CLIC5: variants seen among roughly 807,000 people sequenced by gnomAD.
The protein encoded by CLIC5 is CLIC family member 5.
Under a neutral mutation model 24.7 loss-of-function variants are expected in CLIC5, and 20 were observed. The ratio of observed to expected loss-of-function variants is 0.81; its 90% CI spans 0.57 to 1.18. The LOEUF is 1.18. CLIC5 is among the 50% of genes most tolerant of loss of function. The pLI, the probability that CLIC5 is intolerant of heterozygous loss-of-function variation, is 0.00. For synonymous variants in CLIC5, 159 were observed against 135.6 expected, an observed-to-expected ratio of 1.17 and a Z score of -1.20; for missense variants, 341 against 326.1, an observed-to-expected ratio of 1.05 and a Z score of -0.35.
intron 4 of CLIC5, among the ~76,000 whole-genome samples, chr6:45,939,253 G>A (rs7756325): frequency 0.017 from 2,270 of 132,068 alleles, 82 homozygotes; most frequent in African/African-American, 0.064. Context: ...TTGGAGTGTC[G>A]CTCTGTTGCC....
intron 4 of CLIC5, among the ~76,000 whole-genome samples, chr6:45,925,971 C>T (rs1390086854): frequency 6.6e-6 from 1 of 151,998 alleles, no homozygotes; most frequent in East Asian, 1.9e-4. Flanking sequence ...AGTTTCAGAC[C>T]TGGGCAAAAT....
At chr6:45,885,429 T>G (rs1256235788) in intron 6 of CLIC5, among the ~76,000 whole-genome samples, 1 of 152,188 alleles carries the variant, frequency 6.6e-6, no homozygotes, top group Non-Finnish European at 1.5e-5. Context: ...CAGCCCATAC[T>G]AAATACCTCC....
intron 1 of CLIC5, among the ~76,000 whole-genome samples, chr6:46,073,484 G>A (rs1438036870): frequency 1.3e-5 from 2 of 152,150 alleles, no homozygotes; most frequent in Non-Finnish European, 2.9e-5. Context: ...AATGATATAT[G>A]ATATATTTAT....
intron 4 of CLIC5, among the ~76,000 whole-genome samples, chr6:45,935,776 C>G (rs1393377140): frequency 2.0e-5 from 3 of 152,156 alleles, no homozygotes. Context: ...AGACTGAGCT[C>G]TCTCTGGTTG....
At chr6:45,995,835 C>T (rs1766115250) in intron 1 of CLIC5, among the ~76,000 whole-genome samples, 2 of 152,036 alleles carry the variant, frequency 1.3e-5, no homozygotes, top group Admixed American at 6.6e-5. Flanking sequence ...AGCTCAAAGC[C>T]ATTATCCTCA....
chr6:45,963,923 G>A (rs1764934899), intron 1 of CLIC5, among the ~76,000 whole-genome samples: 1 of 151,908 alleles, frequency 6.6e-6, no homozygotes. Context: ...TAGTTGCTAT[G>A]CTCCATTAGC....
chr6:46,090,713 C>A, the CLIC5 span, among the ~76,000 whole-genome samples: 4 of 152,244 alleles, frequency 2.6e-5, no homozygotes, highest in Admixed American at 6.5e-5. Flanking sequence ...TTTGCCTGTG[C>A]AATGAGAACA....
chr6:46,115,466 A>G, the CLIC5 span, among the ~76,000 whole-genome samples: 9 of 152,204 alleles, frequency 5.9e-5, no homozygotes, highest in South Asian at 1.9e-3. Flanking sequence ...TGCTTCCTCT[A>G]GTCCTATAAT....
At chr6:45,905,566 A>T (rs1168509676) in intron 5 of CLIC5, among the ~76,000 whole-genome samples, 3 of 141,572 alleles carry the variant, frequency 2.1e-5, no homozygotes. Context: ...CCCACTTTTT[A>T]ATGGTATTAT....
rs1392456682 is a variant in CLIC5 at position 45,961,909 on chromosome 6, G to A, written c.64-6665C>T. ...CCTCAACATTTATCTAAAGTTTAATGTATGGGCTTAATTAGCTCTATGTAG... is the reference window on the plus strand; with the variant it reads ...CCTCAACATTTATCTAAAGTTTAATATATGGGCTTAATTAGCTCTATGTAG... On this transcript the variant is annotated intron_variant, in intron 1 of 5. Coordinates refer to ENST00000339561, the MANE Select transcript of CLIC5 (RefSeq NM_016929.5). Among the ~76,000 whole-genome samples the A allele has an allele frequency of 2.6e-5, 4 of 152,236 alleles. No homozygotes were observed. The East Asian group carries it at 5.8e-4, about 22-fold the overall frequency.
At position 45,992,501 on chromosome 6, in the gene CLIC5, A is replaced by C. The variant is rs564853731; in HGVS notation, c.63+22979T>G. ...TTCTTTATTGAAGAGAATTTTAGAA[A>C]GACCACAGAATTCAGTCCTGCCCCA... On this transcript the variant is annotated intron_variant, in intron 1 of 5. Transcript: ENST00000339561. 6.9e-4 allele frequency among the ~76,000 whole-genome samples: 105 copies of C among 152,366 alleles called. 1 individual carries two copies. Among genetic ancestry groups the C allele is most frequent in the Admixed American group, 5.0e-3 (76 of 15,302 alleles).
At chr6:46,112,338 A>C in the CLIC5 span, among the ~76,000 whole-genome samples, 2 of 152,230 alleles carry the variant, frequency 1.3e-5, no homozygotes, top group Non-Finnish European at 2.9e-5. Flanking sequence ...ATTTTCTCTA[A>C]GAGCTTTCAC....
At chr6:46,014,149 T>G (rs1766907592) in intron 1 of CLIC5, 1 of 152,010 alleles carries the variant, frequency 6.6e-6, no homozygotes, top group Non-Finnish European at 1.5e-5. Context: ...GCTTGAAAAA[T>G]AAACACAAAG....
At chr6:45,906,564 C>CTT (rs35362216) in intron 5 of CLIC5, among the ~76,000 whole-genome samples, 3,944 of 141,672 alleles carry the variant, frequency 0.028, 172 homozygotes, top group African/African-American at 0.095. Flanking sequence ...TGTACATTGA[C>CTT]TTTTTTTTTT....
intron 1 of CLIC5, among the ~76,000 whole-genome samples, chr6:45,992,105 C>T (rs1482983588): frequency 7.9e-5 from 12 of 152,294 alleles, no homozygotes; most frequent in African/African-American, 2.9e-4. Context: ...AGGCAAGCCC[C>T]TTCCCCACTC....
chr6:46,041,849 C>A (rs1254449413), intron 1 of CLIC5, among the ~76,000 whole-genome samples: 1 of 152,102 alleles, frequency 6.6e-6, no homozygotes, highest in Non-Finnish European at 1.5e-5. Flanking sequence ...GGCAGAGTGC[C>A]TGACACAGAG....
At chr6:46,085,784 G>A in the CLIC5 span, among the ~76,000 whole-genome samples, 8 of 152,214 alleles carry the variant, frequency 5.3e-5, no homozygotes, top group African/African-American at 1.9e-4. Context: ...TCTCTTCAAA[G>A]GGACATTTAA....
intron 5 of CLIC5, among the ~76,000 whole-genome samples, chr6:45,906,586 G>A (rs1762666867): frequency 6.8e-6 from 1 of 147,702 alleles, no homozygotes; most frequent in African/African-American, 2.5e-5. Context: ...TTTTGAGATG[G>A]AGTTTCGCTC....
the CLIC5 span, among the ~76,000 whole-genome samples, chr6:46,114,268 A>G: frequency 0.023 from 3,534 of 152,184 alleles, 138 homozygotes; most frequent in African/African-American, 0.079. Context: ...TCCCCCACCT[A>G]GTTCCCATAC....
Sources: gnomAD v4.1 joint callset for allele counts (sites outside exome capture counted in the v4.1 genomes callset) on GRCh38, gnomAD v4.1.1 for gene constraint, MANE v1.5 for transcripts, NCBI Gene and HGNC (gene_info 2026-07-23, HGNC 2026-07-21) for gene names.